IL19: variants seen among roughly 807,000 people sequenced by gnomAD.
The protein encoded by IL19 is interleukin 19.
IL19 carries 15 observed loss-of-function variants against 19.5 expected under a neutral mutation model. The ratio of observed to expected loss-of-function variants is 0.77; its 90% confidence interval spans 0.52 to 1.19. The LOEUF is 1.19. IL19 is among the 50% of genes most tolerant of loss of function. The pLI, the probability that IL19 is intolerant of heterozygous loss-of-function variation, is 0.00. For synonymous variants in IL19, 78 were observed against 78.3 expected (o/e 1.00, Z 0.02); for missense variants, 199 against 213.1 (o/e 0.93, Z 0.41).
intron 2 of IL19, among the ~76,000 whole-genome samples, chr1:206,815,449 T>C (rs1193587590): frequency 6.6e-6 from 1 of 152,210 alleles, no homozygotes; most frequent in Non-Finnish European, 1.5e-5. Context: ...GAATTCCTAA[T>C]AGGCCAAGTT....
At chr1:206,829,621 G>T (rs1204870677) in intron 2 of IL19, among the ~76,000 whole-genome samples, 1 of 152,176 alleles carries the variant, frequency 6.6e-6, no homozygotes, top group Non-Finnish European at 1.5e-5. Context: ...AGGCCCCAGG[G>T]CGTTATGCTG....
chr1:206,825,017 A>G (rs1351291453), intron 2 of IL19, among the ~76,000 whole-genome samples: 1 of 152,148 alleles, frequency 6.6e-6, no homozygotes, highest in Non-Finnish European at 1.5e-5. Context: ...CGGCCTCCCA[A>G]AGTGCTGGGA....
intron 1 of IL19, among the ~76,000 whole-genome samples, chr1:206,792,839 GC>G (rs1675440268): frequency 6.6e-6 from 1 of 152,168 alleles, no homozygotes; most frequent in South Asian, 2.1e-4. Context: ...AGCCTACACA[GC>G]TGATAAGTGT....
At chr1:206,788,048 C>A (rs1675306984) in intron 1 of IL19, among the ~76,000 whole-genome samples, 1 of 152,204 alleles carries the variant, frequency 6.6e-6, no homozygotes, top group Non-Finnish European at 1.5e-5. Flanking sequence ...GACCTTCCTT[C>A]CTTGTGACAT....
At chr1:206,819,060 C>T (rs1276489282) in intron 2 of IL19, among the ~76,000 whole-genome samples, 1 of 151,582 alleles carries the variant, frequency 6.6e-6, no homozygotes, top group Non-Finnish European at 1.5e-5. Flanking sequence ...ATCTGCCTGC[C>T]TTGGCCTCCC....
intron 2 of IL19, among the ~76,000 whole-genome samples, chr1:206,816,278 T>G (rs1157094454): frequency 6.6e-6 from 1 of 152,168 alleles, no homozygotes; most frequent in Non-Finnish European, 1.5e-5. Context: ...ATGTATAAGA[T>G]TTTAAGAATA....
chr1:206,788,699 C>T (rs992114979), intron 1 of IL19, among the ~76,000 whole-genome samples: 1 of 152,126 alleles, frequency 6.6e-6, no homozygotes, highest in African/African-American at 2.4e-5. Flanking sequence ...GAGGCAGAAG[C>T]AGTTGGAGGT....
At chr1:206,773,860 C>A (rs757140717) in intron 1 of IL19, among the ~76,000 whole-genome samples, 1 of 152,138 alleles carries the variant, frequency 6.6e-6, no homozygotes, top group African/African-American at 2.4e-5. Context: ...TGCCTTGGCC[C>A]TGCCACTCTA....
intron 2 of IL19, among the ~76,000 whole-genome samples, chr1:206,816,886 G>T (rs570118664): frequency 6.6e-6 from 1 of 152,294 alleles, no homozygotes; most frequent in East Asian, 1.9e-4. Context: ...GTGAGTTAAA[G>T]AAACCAATGA....
In IL19 at chr1:206,770,885, A is replaced by G; in HGVS notation, c.-342A>G. The stretch of plus-strand genomic sequence containing the variant: ...GGTATTTTGGGGGCAGCTGCAAGGG[A>G]AAAAACTGATCTGCTACTTACACAG... On this transcript the variant is annotated 5_prime_UTR_variant, in exon 1 of 7. Transcript: ENST00000659997. 2 of 1,613,308 alleles carry G rather than the reference A, an allele frequency of 1.2e-6. No individual in the cohort carries two copies. The highest frequency in any genetic ancestry group is 1.7e-6 in the Non-Finnish European group (2 of 1,179,326).
chr1:206,840,345 C>T (rs932803335), intron 5 of IL19: 3 of 403,238 alleles, frequency 7.4e-6, no homozygotes, highest in African/African-American at 6.2e-5. Context: ...GTCTTTACAT[C>T]AATAAACCTC....
At chr1:206,798,377 G>C (rs780416199) in intron 1 of IL19, among the ~76,000 whole-genome samples, 2 of 152,096 alleles carry the variant, frequency 1.3e-5, no homozygotes, top group Non-Finnish European at 2.9e-5. Context: ...GCAGTCCTTG[G>C]GGGGCTTCAA....
At chr1:206,829,649 A>G (rs1388003024) in intron 2 of IL19, among the ~76,000 whole-genome samples, 1 of 152,010 alleles carries the variant, frequency 6.6e-6, no homozygotes, top group Non-Finnish European at 1.5e-5. Context: ...TAGACTGGAG[A>G]GTTCCAAGAC....
At chr1:206,830,830 G>T (rs2102482049) in intron 2 of IL19, among the ~76,000 whole-genome samples, 1 of 152,316 alleles carries the variant, frequency 6.6e-6, no homozygotes, top group Middle Eastern at 3.4e-3. Context: ...GCCCGCCTTG[G>T]CCTCCCAAAG....
At chr1:206,781,425 A>G (rs1386596405) in intron 1 of IL19, among the ~76,000 whole-genome samples, 1 of 150,566 alleles carries the variant, frequency 6.6e-6, no homozygotes, top group Non-Finnish European at 1.5e-5. Context: ...AAAAAAAAAA[A>G]AAAAAAAAAA....
chr1:206,835,968 C>T (rs894362744), intron 2 of IL19, among the ~76,000 whole-genome samples: 3 of 152,260 alleles, frequency 2.0e-5, no homozygotes, highest in African/African-American at 7.2e-5. Flanking sequence ...TATGAAGCAG[C>T]TAGCTGCAAA....
intron 3 of IL19, 35 bp downstream of exon 3, chr1:206,836,841 G>C: frequency 1.9e-6 from 3 of 1,611,064 alleles, no homozygotes; most frequent in Non-Finnish European, 1.7e-6. Flanking sequence ...GTGGATGACG[G>C]AGTATCCCTC....
intron 2 of IL19, among the ~76,000 whole-genome samples, chr1:206,805,479 C>T (rs1490090812): frequency 6.6e-6 from 1 of 152,162 alleles, no homozygotes. Context: ...TAGAGCAAGC[C>T]ATTATAAAAA....
chr1:206,811,322 T>C (rs1676003108), intron 2 of IL19, among the ~76,000 whole-genome samples: 1 of 151,754 alleles, frequency 6.6e-6, no homozygotes, highest in South Asian at 2.1e-4. Flanking sequence ...CAGGAAACTG[T>C]AGTCCCAGCT....
Sources: gnomAD v4.1 joint callset for allele counts (sites outside exome capture counted in the v4.1 genomes callset) on GRCh38, gnomAD v4.1.1 for gene constraint, MANE v1.5 for transcripts, NCBI Gene and HGNC (gene_info 2026-07-23, HGNC 2026-07-21) for gene names.